The following GET1 variants were observed in gnomAD, a reference collection of about 807,000 sequenced individuals.
GET1 encodes congenital heart disease 5 protein.
GET1 carries 20 observed loss-of-function variants against 22.6 expected under a neutral mutation model. The ratio of observed to expected loss-of-function variants is 0.89; its 90% CI spans 0.62 to 1.29. The LOEUF (loss-of-function observed/expected upper bound fraction) is 1.29, where lower values mean the gene tolerates loss of function less well. Ranked by LOEUF, GET1 falls within the 50% of genes most tolerant of loss-of-function variation. GET1 has a pLI of 0.00. For synonymous variants in GET1, 92 were observed against 83.8 expected, an observed-to-expected ratio of 1.10 and a Z score of -0.53; for missense variants, 209 against 219.9, an observed-to-expected ratio of 0.95 and a Z score of 0.31.
chr21:39,400,638 C>A (rs149264668), downstream of GET1, among the ~76,000 whole-genome samples: 84 of 152,260 alleles, frequency 5.5e-4, no homozygotes, highest in African/African-American at 2.0e-3. Flanking sequence ...GATTCAAAGC[C>A]ATGTGTGACT....
At chr21:39,384,726 C>T (rs748926951) in intron 1 of GET1, among the ~76,000 whole-genome samples, 63 of 152,160 alleles carry the variant, frequency 4.1e-4, no homozygotes, top group Admixed American at 3.5e-3. Flanking sequence ...CCTCCCACCC[C>T]CTATCCTCCA....
chr21:39,396,268 C>T (rs1013767845), intron 4 of GET1, among the ~76,000 whole-genome samples: 4 of 151,934 alleles, frequency 2.6e-5, no homozygotes, highest in South Asian at 2.1e-4. Context: ...CGGCCGGGTG[C>T]GGTGGCTCAT....
At chr21:39,399,613 G>T (rs1234765804), downstream of GET1, among the ~76,000 whole-genome samples, 2 of 151,916 alleles carry the variant, frequency 1.3e-5, no homozygotes, top group Non-Finnish European at 1.5e-5. Context: ...CCTATTTTTT[G>T]TATGTTTAGT....
intron 1 of GET1, chr21:39,387,872 AGGG>A: frequency 1.2e-6 from 1 of 830,012 alleles, no homozygotes; most frequent in Non-Finnish European, 1.4e-6. Flanking sequence ...TGGAAGGGGG[AGGG>A]GGGGGGATCT....
chr21:39,390,908 A>T, intron 2 of GET1, 45 bp downstream of exon 2: 1 of 1,603,632 alleles, frequency 6.2e-7, no homozygotes, highest in South Asian at 1.1e-5. Flanking sequence ...GAGCGGATGA[A>T]TAGAGAAGTC....
intron 1 of GET1, among the ~76,000 whole-genome samples, chr21:39,416,125 C>G (rs534366051): frequency 6.6e-6 from 1 of 152,156 alleles, no homozygotes; most frequent in Non-Finnish European, 1.5e-5. Flanking sequence ...GATCTTACCC[C>G]CTCACAAACG....
chr21:39,420,799 CCGGCTAAAGGCTCT>C (rs774067390), intron 1 of GET1: 37 of 1,613,156 alleles, frequency 2.3e-5, no homozygotes, highest in Non-Finnish European at 3.1e-5. Context: ...TAGCCAGCTG[CCGGCTAAAGGCTCT>C]GCAGTTCAAC....
chr21:39,427,478 C>T (rs931623099), intron 1 of GET1, among the ~76,000 whole-genome samples: 5 of 151,970 alleles, frequency 3.3e-5, no homozygotes, highest in Middle Eastern at 3.4e-3. Context: ...CTGGCTAACA[C>T]GGTGAAACCC....
chr21:39,396,829 T>C, intron 4 of GET1, 37 bp from the exon 5 acceptor site: 1 of 1,595,368 alleles, frequency 6.3e-7, no homozygotes, highest in South Asian at 1.1e-5. Flanking sequence ...GCAGCACTGC[T>C]GGTATGCGCT....
At position 39,391,023 on chromosome 21, in the gene GET1, C is replaced by T. The variant is rs1037944657; in HGVS notation, c.268+160C>T. The T allele has an allele frequency of 3.6e-5, 25 of 697,508 alleles. No individual in the cohort carries two copies. The South Asian group carries it at 6.0e-4, about 17-fold the overall frequency. 43.2% of individuals were successfully genotyped at this position (697,508 alleles called of 1,614,324 possible). ...AAACTCAGTAATAAGTATTACTTTCCTCTTATTTGCTGGTGAACCTTTGCT... is the reference window on the plus strand; with the variant it reads ...AAACTCAGTAATAAGTATTACTTTCTTCTTATTTGCTGGTGAACCTTTGCT... On this transcript the variant is annotated intron_variant, in intron 2 of 4. Coordinates refer to ENST00000649170, the MANE Select transcript of GET1 (RefSeq NM_004627.6).
Position 39,396,869 on chromosome 21 carries a change from G to A in GET1, c.455G>A (p.Gly152Asp). 1 of 1,613,920 alleles carries A rather than the reference G, an allele frequency of 6.2e-7. No individual in the cohort carries two copies. Among genetic ancestry groups the A allele is most frequent in the Non-Finnish European group, 8.5e-7 (1 of 1,179,986 alleles). The change falls in exon 5 of 5, where the codon GGT becomes GAT. Residue 152 changes from glycine (G) to aspartate (D), a missense_variant. By Grantham distance (94) the Gly-to-Asp change is moderately conservative (BLOSUM62 -1). Transcript: ENST00000649170. ...TGGTGAATGTCTTTGTTTTCAGGTG[G>A]TGTTGGAATTACCTGTTGGATTTTA... ...LVAFPTRVAG[G>D]VGITCWILVC... is the part of the protein sequence containing the mutation.
intron 2 of GET1, 197 bp from the exon 3 acceptor site, chr21:39,391,572 G>A: frequency 3.5e-6 from 2 of 564,446 alleles, no homozygotes; most frequent in Non-Finnish European, 6.1e-6. Flanking sequence ...ATCTGAGTCG[G>A]ATACTATTTT....
At chr21:39,414,742 C>CTCTCTCTCTG (rs1341489035) in intron 1 of GET1, among the ~76,000 whole-genome samples, 5 of 99,180 alleles carry the variant, frequency 5.0e-5, no homozygotes, top group African/African-American at 1.8e-4. Flanking sequence ...CTCTCTCTCT[C>CTCTCTCTCTG]TGTGTGTGTG....
intron 1 of GET1, among the ~76,000 whole-genome samples, chr21:39,427,166 C>T (rs541946795): frequency 4.6e-5 from 7 of 152,120 alleles, no homozygotes; most frequent in Non-Finnish European, 7.4e-5. Context: ...TTATTGTCCT[C>T]CTGTTGACTG....
chr21:39,412,632 G>A (rs779699978), intron 1 of GET1, among the ~76,000 whole-genome samples: 45 of 151,970 alleles, frequency 3.0e-4, no homozygotes, highest in Non-Finnish European at 5.0e-4. Context: ...GGGGTGGGGC[G>A]GGGAGAGAGA....
At chr21:39,426,995 TTAGA>T (rs781219202) in intron 1 of GET1, among the ~76,000 whole-genome samples, 5 of 152,200 alleles carry the variant, frequency 3.3e-5, no homozygotes, top group Non-Finnish European at 5.9e-5. Context: ...GACATGTGTC[TTAGA>T]TAAAGAATCC....
At chr21:39,392,110 TGTG>T (rs1271511745) in intron 3 of GET1, 1 of 432,900 alleles carries the variant, frequency 2.3e-6, no homozygotes, top group Admixed American at 4.2e-5. Context: ...TGCATCCCAG[TGTG>T]GTTTGAAGGG....
At chr21:39,406,039 G>C (rs1362789160) in exon 5 of GET1, 2 of 1,614,084 alleles carry the variant, frequency 1.2e-6, no homozygotes, top group African/African-American at 2.7e-5. Context: ...TGAGCCTTTT[G>C]CAACACCAGG....
At chr21:39,398,436 TATTCTC>T (rs2038754384), downstream of GET1, among the ~76,000 whole-genome samples, 1 of 152,138 alleles carries the variant, frequency 6.6e-6, no homozygotes. Flanking sequence ...CTCTTAAAGA[TATTCTC>T]ATTCAGTTGT....
Sources: allele counts gnomAD v4.1 joint callset (sites outside exome capture counted in the v4.1 genomes callset), GRCh38; gene constraint gnomAD v4.1.1; transcripts MANE v1.5; gene names NCBI Gene and HGNC (gene_info 2026-07-23, HGNC 2026-07-21).